Variants in CPQ observed in about 807,000 individuals in gnomAD.
CPQ encodes carboxypeptidase Q, also known as Ser-Met dipeptidase.
A neutral mutation model predicts 45.7 loss-of-function variants in CPQ; 37 were observed. The ratio of observed to expected loss-of-function variants is 0.81; its 90% CI spans 0.62 to 1.07. The LOEUF (loss-of-function observed/expected upper bound fraction) is 1.07, where lower values mean the gene tolerates loss of function less well. Among genes scored for constraint, CPQ ranks in the 50% least tolerant of loss-of-function variants. The pLI is 0.00. For synonymous variants in CPQ, 186 were observed against 205.8 expected, an observed-to-expected ratio of 0.90 and a Z score of 0.82; for missense variants, 537 against 572.9, an observed-to-expected ratio of 0.94 and a Z score of 0.64.
chr8:96,977,324 C>CA lies in CPQ; in HGVS notation c.961+11293dup, dbSNP rs34816638. On this transcript the variant is annotated intron_variant, in intron 5 of 7. Transcript: ENST00000220763. ...TCACACCTGCAAGAATATCCGTAAT[C>CA]AAAAAAAAAAAAAAATAGATGTTGG... is the stretch of plus-strand genomic sequence containing the variant. Among the ~76,000 whole-genome samples the CA allele has an allele frequency of 9.5e-3, 1,276 of 133,882 alleles. 16 individuals carry two copies. Among genetic ancestry groups the CA allele is most frequent in the Middle Eastern group, 0.093 (23 of 248 alleles). 87.8% of individuals were successfully genotyped at this position (133,882 alleles called of 152,430 possible).
chr8:96,815,113 CTG>C (rs751879178), intron 2 of CPQ, among the ~76,000 whole-genome samples: 3 of 151,940 alleles, frequency 2.0e-5, no homozygotes, highest in Admixed American at 6.6e-5. Flanking sequence ...CTGCATAACT[CTG>C]TGAAATACTA....
intron 1 of CPQ, among the ~76,000 whole-genome samples, chr8:96,769,927 A>C (rs1403630924): frequency 6.6e-6 from 1 of 152,206 alleles, no homozygotes; most frequent in Admixed American, 6.5e-5. Flanking sequence ...AGTTACATTC[A>C]GCTAGCTGTA....
At chr8:97,108,541 C>A (rs768891978) in intron 7 of CPQ, among the ~76,000 whole-genome samples, 2 of 152,156 alleles carry the variant, frequency 1.3e-5, no homozygotes, top group Non-Finnish European at 2.9e-5. Context: ...GATACTGAAA[C>A]CTGTGATATT....
At chr8:96,830,621 T>G (rs1056436989) in intron 2 of CPQ, among the ~76,000 whole-genome samples, 8 of 152,228 alleles carry the variant, frequency 5.3e-5, no homozygotes, top group African/African-American at 1.9e-4. Context: ...AGTCCCACAT[T>G]CTCTTCAGAA....
chr8:96,991,666 T>C (rs1401001781), intron 5 of CPQ, among the ~76,000 whole-genome samples: 1 of 152,044 alleles, frequency 6.6e-6, no homozygotes, highest in Non-Finnish European at 1.5e-5. Flanking sequence ...CATTGTCAGC[T>C]GCATAAGAGC....
At chr8:97,108,262 C>A (rs1009471743) in intron 7 of CPQ, among the ~76,000 whole-genome samples, 13 of 152,198 alleles carry the variant, frequency 8.5e-5, no homozygotes, top group Admixed American at 3.9e-4. Flanking sequence ...CACAGAGAGA[C>A]AATCATTTGT....
intron 1 of CPQ, among the ~76,000 whole-genome samples, chr8:96,677,696 T>G (rs1586355034): frequency 3.3e-5 from 5 of 149,574 alleles, no homozygotes; most frequent in African/African-American, 1.3e-4. Flanking sequence ...TTATTTATTT[T>G]TGTTTTTGTT....
At chr8:96,756,913 CT>C (rs1362782064) in intron 1 of CPQ, among the ~76,000 whole-genome samples, 1 of 152,118 alleles carries the variant, frequency 6.6e-6, no homozygotes, top group Non-Finnish European at 1.5e-5. Flanking sequence ...TTTTCCTCCC[CT>C]TCAGGACATT....
At chr8:97,064,138 G>T (rs1245887646) in intron 6 of CPQ, among the ~76,000 whole-genome samples, 1 of 152,102 alleles carries the variant, frequency 6.6e-6, no homozygotes, top group Non-Finnish European at 1.5e-5. Context: ...GAAGCACTTT[G>T]CCTGATTTTC....
chr8:96,794,310 A>G (rs1810895267), intron 2 of CPQ, among the ~76,000 whole-genome samples: 1 of 152,208 alleles, frequency 6.6e-6, no homozygotes, highest in Non-Finnish European at 1.5e-5. Flanking sequence ...ATCATGTGGA[A>G]GATGCCAAGG....
chr8:96,705,466 T>G (rs985960412), intron 1 of CPQ, among the ~76,000 whole-genome samples: 4 of 152,174 alleles, frequency 2.6e-5, no homozygotes, highest in African/African-American at 9.7e-5. Flanking sequence ...TTTTAAGCCT[T>G]TTGTCTATAA....
At chr8:96,677,129 A>T (rs1586354823) in intron 1 of CPQ, among the ~76,000 whole-genome samples, 2 of 152,116 alleles carry the variant, frequency 1.3e-5, no homozygotes, top group Admixed American at 6.6e-5. Context: ...GTGCTGCTGT[A>T]AAAATGCATA....
At chr8:96,648,307 G>GA (rs1033260560) in intron 1 of CPQ, among the ~76,000 whole-genome samples, 7 of 152,042 alleles carry the variant, frequency 4.6e-5, no homozygotes, top group African/African-American at 1.2e-4. Flanking sequence ...ACAATATTAT[G>GA]AAAAAAACAT....
chr8:97,055,495 C>T (rs1420918015), intron 6 of CPQ: 1 of 152,188 alleles, frequency 6.6e-6, no homozygotes, highest in African/African-American at 2.4e-5. Flanking sequence ...CAGATTCTCC[C>T]TGACCAAGAT....
intron 2 of CPQ, among the ~76,000 whole-genome samples, chr8:96,815,022 T>C (rs1158422196): frequency 6.6e-6 from 1 of 152,000 alleles, no homozygotes; most frequent in African/African-American, 2.4e-5. Context: ...CAGCGGAGGG[T>C]GCAGATGGGG....
At chr8:97,044,503 C>T (rs1810196763) in intron 6 of CPQ, among the ~76,000 whole-genome samples, 1 of 152,234 alleles carries the variant, frequency 6.6e-6, no homozygotes, top group Admixed American at 6.5e-5. Flanking sequence ...CATTCTCCAT[C>T]CAGCTTTGTT....
chr8:97,069,685 T>G (rs1810704065), intron 7 of CPQ, among the ~76,000 whole-genome samples: 1 of 152,154 alleles, frequency 6.6e-6, no homozygotes, highest in Non-Finnish European at 1.5e-5. Context: ...CTCACCTAAC[T>G]TCTAAAAAAT....
chr8:96,987,729 A>G (rs1809016238), intron 5 of CPQ, among the ~76,000 whole-genome samples: 1 of 152,236 alleles, frequency 6.6e-6, no homozygotes, highest in Non-Finnish European at 1.5e-5. Context: ...CTTTTAACCT[A>G]GGCAATCTTC....
intron 6 of CPQ, among the ~76,000 whole-genome samples, chr8:97,044,445 C>T (rs753408222): frequency 7.2e-4 from 110 of 152,274 alleles, no homozygotes; most frequent in Non-Finnish European, 6.9e-4. Context: ...TCCTGTAGCT[C>T]GGAGTAGTTT....
Sources: allele counts gnomAD v4.1 joint callset (sites outside exome capture counted in the v4.1 genomes callset), GRCh38; gene constraint gnomAD v4.1.1; transcripts MANE v1.5; gene names NCBI Gene and HGNC (gene_info 2026-07-23, HGNC 2026-07-21).